The following FAAH2 variants were observed in gnomAD, a reference collection of about 807,000 sequenced individuals.
The protein encoded by FAAH2 is fatty-acid amide hydrolase 2.
A neutral mutation model predicts 36.9 loss-of-function variants in FAAH2; 60 were observed. That is an observed-to-expected ratio of 1.63 (90% CI 1.32 to 2.02). The LOEUF (loss-of-function observed/expected upper bound fraction) is 2.02, where lower values mean the gene tolerates loss of function less well. Ranked by LOEUF, FAAH2 falls within the 30% of genes most tolerant of loss-of-function variation. FAAH2 has a pLI of 0.00. For synonymous variants in FAAH2, 214 were observed against 143.8 expected, an observed-to-expected ratio of 1.49 and a Z score of -3.49; for missense variants, 689 against 397.5, an observed-to-expected ratio of 1.73 and a Z score of -6.23.
the FAAH2 span, among the ~76,000 whole-genome samples, chrX:57,159,554 A>G: frequency 9.0e-6 from 1 of 110,582 alleles, no homozygotes. Context: ...GAGGTCCTTC[A>G]CATCCCTTGT....
At chrX:57,292,795 C>T (rs1161400081) in intron 2 of FAAH2, among the ~76,000 whole-genome samples, 1 of 111,532 alleles carries the variant, frequency 9.0e-6, no homozygotes, top group Non-Finnish European at 1.9e-5. Context: ...CTGCAAGATC[C>T]TTGATGGCAA....
the FAAH2 span, among the ~76,000 whole-genome samples, chrX:57,162,193 A>C: frequency 9.0e-6 from 1 of 111,170 alleles, no homozygotes; most frequent in East Asian, 2.8e-4. Flanking sequence ...TTGGCCCCCA[A>C]TCTCTTCTGG....
chrX:57,418,738 A>G (rs1282334502), intron 7 of FAAH2, among the ~76,000 whole-genome samples: 1 of 109,283 alleles, frequency 9.2e-6, no homozygotes, highest in Non-Finnish European at 1.9e-5. Context: ...TTATTATTAT[A>G]CTTTAAGTTT....
the FAAH2 span, among the ~76,000 whole-genome samples, chrX:57,264,648 G>A: frequency 2.7e-5 from 3 of 112,499 alleles, no homozygotes; most frequent in Non-Finnish European, 5.6e-5. Flanking sequence ...CCTAAAAACA[G>A]CAATACCATT....
At chrX:57,449,790 C>T in intron 10 of FAAH2, among the ~76,000 whole-genome samples, 1 of 111,081 alleles carries the variant, frequency 9.0e-6, no homozygotes, top group African/African-American at 3.3e-5. Flanking sequence ...CCTCAGACCC[C>T]CAAGTAGCTG....
chrX:57,405,548 C>T (rs959694145), intron 7 of FAAH2, among the ~76,000 whole-genome samples: 20 of 108,244 alleles, frequency 1.8e-4, no homozygotes, highest in Non-Finnish European at 3.8e-5. Flanking sequence ...AAGTAAGTGG[C>T]AAGTCTGCGA....
At chrX:57,278,394 G>T in the FAAH2 span, among the ~76,000 whole-genome samples, 1 of 111,322 alleles carries the variant, frequency 9.0e-6, no homozygotes, top group Non-Finnish European at 1.9e-5. Flanking sequence ...GCTGAAACTG[G>T]ATCCCTTCCT....
intron 2 of FAAH2, among the ~76,000 whole-genome samples, chrX:57,306,994 G>GGTATATATATATATATATAT (rs2052556093): frequency 9.7e-5 from 3 of 31,023 alleles, no homozygotes; most frequent in Non-Finnish European, 2.2e-4. Flanking sequence ...CACACACACA[G>GGTATATATATATATATATAT]ATACATATAT....
chrX:57,305,935 G>A (rs971192627), intron 2 of FAAH2, among the ~76,000 whole-genome samples: 5 of 111,621 alleles, frequency 4.5e-5, no homozygotes, highest in Admixed American at 9.6e-5. Context: ...CTTTCCTAAC[G>A]TTTCCTAAAC....
At chrX:57,357,586 A>G (rs1189092723) in intron 5 of FAAH2, among the ~76,000 whole-genome samples, 1 of 112,136 alleles carries the variant, frequency 8.9e-6, no homozygotes, top group Non-Finnish European at 1.9e-5. Flanking sequence ...TATGAAAAAA[A>G]GCTCATCATC....
intron 10 of FAAH2, among the ~76,000 whole-genome samples, chrX:57,484,612 T>C (rs1377973828): frequency 9.0e-6 from 1 of 111,668 alleles, no homozygotes; most frequent in Non-Finnish European, 1.9e-5. Context: ...ATTTACTCAC[T>C]CAACCCAAAT....
At chrX:57,130,214 G>A in the FAAH2 span, among the ~76,000 whole-genome samples, 1 of 112,085 alleles carries the variant, frequency 8.9e-6, no homozygotes, top group East Asian at 2.8e-4. Flanking sequence ...TATATCATCT[G>A]CAATAAGAAG....
the FAAH2 span, among the ~76,000 whole-genome samples, chrX:57,129,420 A>G: frequency 8.9e-6 from 1 of 111,978 alleles, no homozygotes; most frequent in African/African-American, 3.2e-5. Context: ...TTAACTGTAT[A>G]ACTGTATTTG....
intron 8 of FAAH2, among the ~76,000 whole-genome samples, chrX:57,441,292 G>A (rs918746973): frequency 3.6e-5 from 4 of 111,198 alleles, no homozygotes; most frequent in African/African-American, 1.3e-4. Context: ...TGTTATTGGT[G>A]TATTCAGTGA....
chrX:57,240,050 T>TA, the FAAH2 span, among the ~76,000 whole-genome samples: 239 of 112,446 alleles, frequency 2.1e-3, 1 homozygote, highest in Non-Finnish European at 3.7e-3. Flanking sequence ...TTGGTCTGGT[T>TA]AAAAACCATT....
intron 5 of FAAH2, among the ~76,000 whole-genome samples, chrX:57,375,058 C>T (rs1602447122): frequency 9.1e-6 from 1 of 110,322 alleles, no homozygotes; most frequent in Admixed American, 9.8e-5. Flanking sequence ...TCCCTGCATC[C>T]TGGTATGAAA....
chrX:57,431,827 C>T (rs1379281580), intron 7 of FAAH2, 91 bp from the exon 8 acceptor site: 2 of 565,712 alleles, frequency 3.5e-6, no homozygotes, highest in Non-Finnish European at 4.5e-6. Context: ...GGGCCTGGCG[C>T]TTTCTGCTCT....
intron 7 of FAAH2, among the ~76,000 whole-genome samples, chrX:57,425,118 T>C (rs918185540): frequency 1.8e-5 from 2 of 111,154 alleles, no homozygotes; most frequent in Non-Finnish European, 3.8e-5. Context: ...CTAGGCCAGG[T>C]AGAATAAAGA....
At chrX:57,293,696 G>A (rs1379304587) in intron 2 of FAAH2, among the ~76,000 whole-genome samples, 3 of 111,687 alleles carry the variant, frequency 2.7e-5, no homozygotes, top group Non-Finnish European at 5.6e-5. Flanking sequence ...TTTTAAAAAG[G>A]AGTTTCGAAG....
Sources: allele counts gnomAD v4.1 joint callset (sites outside exome capture counted in the v4.1 genomes callset), GRCh38; gene constraint gnomAD v4.1.1; transcripts MANE v1.5; gene names NCBI Gene and HGNC (gene_info 2026-07-23, HGNC 2026-07-21).